Variants in COG6 observed in about 807,000 individuals in gnomAD.
COG6 encodes the protein conserved oligomeric Golgi complex subunit 6.
A neutral mutation model predicts 88.8 loss-of-function variants in COG6; 74 were observed. The observed-to-expected ratio is 0.83, with a 90% CI of 0.69 to 1.01. The LOEUF (loss-of-function observed/expected upper bound fraction) is 1.01. Among genes scored for constraint, COG6 ranks in the 50% least tolerant of loss-of-function variants. The pLI is 0.00. For synonymous variants in COG6, 286 were observed against 278.7 expected (o/e 1.03, Z -0.26); for missense variants, 800 against 797.9 (o/e 1.00, Z -0.03).
chr13:39,721,264 A>G (rs557075936), intron 15 of COG6, among the ~76,000 whole-genome samples: 43 of 152,198 alleles, frequency 2.8e-4, no homozygotes, highest in African/African-American at 1.0e-3. Flanking sequence ...TTCTTGGTCT[A>G]TGTGCTAAAT....
intron 2 of COG6, among the ~76,000 whole-genome samples, chr13:39,660,024 A>G (rs1385928115): frequency 6.6e-6 from 1 of 152,172 alleles, no homozygotes; most frequent in African/African-American, 2.4e-5. Context: ...ATTATGTAAT[A>G]TTTTATTAGC....
chr13:39,721,611 C>G (rs1296463872), intron 15 of COG6, among the ~76,000 whole-genome samples: 1 of 152,110 alleles, frequency 6.6e-6, no homozygotes, highest in African/African-American at 2.4e-5. Context: ...AGACTGGCCA[C>G]ATAGAACAGC....
At chr13:39,666,789 T>C (rs532425123) in intron 4 of COG6, among the ~76,000 whole-genome samples, 2 of 152,332 alleles carry the variant, frequency 1.3e-5, no homozygotes, top group Admixed American at 1.3e-4. Context: ...AACTTACTTT[T>C]CTGTCTTATA....
chr13:39,683,431 AAGAT>A (rs1175497403), intron 8 of COG6, among the ~76,000 whole-genome samples: 1 of 152,222 alleles, frequency 6.6e-6, no homozygotes, highest in African/African-American at 2.4e-5. Context: ...CAGTAATGCA[AAGAT>A]ATACATTGAG....
At chr13:39,735,126 C>T (rs1879665783) in intron 18 of COG6, among the ~76,000 whole-genome samples, 1 of 151,924 alleles carries the variant, frequency 6.6e-6, no homozygotes, top group Non-Finnish European at 1.5e-5. Flanking sequence ...TAAGGACTTA[C>T]TCTGCCATTT....
intron 13 of COG6, among the ~76,000 whole-genome samples, chr13:39,702,629 G>A (rs190646421): frequency 6.6e-6 from 1 of 151,938 alleles, no homozygotes; most frequent in Non-Finnish European, 1.5e-5. Context: ...CACACTAGTG[G>A]TTCTTCTATT....
intron 18 of COG6, among the ~76,000 whole-genome samples, chr13:39,781,425 G>A (rs914676589): frequency 2.2e-5 from 3 of 139,258 alleles, no homozygotes; most frequent in African/African-American, 7.6e-5. Flanking sequence ...GAAAAAAGTA[G>A]GAGCAAATGC....
At chr13:39,656,617 G>A (rs1371661420) in intron 1 of COG6, among the ~76,000 whole-genome samples, 1 of 151,950 alleles carries the variant, frequency 6.6e-6, no homozygotes, top group Non-Finnish European at 1.5e-5. Context: ...AAGAACATAT[G>A]TCAAAGTTAG....
intron 17 of COG6, among the ~76,000 whole-genome samples, chr13:39,725,640 T>C (rs1470204748): frequency 6.6e-6 from 1 of 151,508 alleles, no homozygotes. Context: ...ATAAGAAACA[T>C]TATGTCGTGA....
intron 13 of COG6, among the ~76,000 whole-genome samples, chr13:39,701,661 G>A (rs1367288685): frequency 2.6e-5 from 4 of 151,900 alleles, no homozygotes; most frequent in Admixed American, 6.6e-5. Flanking sequence ...CAAGTAGGAG[G>A]CTTGTTATCT....
intron 11 of COG6, among the ~76,000 whole-genome samples, chr13:39,690,678 T>C (rs17445389): frequency 0.063 from 9,570 of 152,032 alleles, 391 homozygotes; most frequent in Non-Finnish European, 0.094. Context: ...TTTTTGTTTT[T>C]TTGGTATATG....
chr13:39,663,625 G>A (rs139206294), intron 3 of COG6, among the ~76,000 whole-genome samples: 180 of 152,186 alleles, frequency 1.2e-3, no homozygotes, highest in Non-Finnish European at 1.6e-3. Context: ...ATGGCTGGGC[G>A]TGGTGGCTCA....
intron 18 of COG6, among the ~76,000 whole-genome samples, chr13:39,781,246 C>T (rs1027187257): frequency 7.2e-5 from 11 of 152,038 alleles, no homozygotes; most frequent in African/African-American, 1.2e-4. Flanking sequence ...AATACATGGG[C>T]GCTTATTAGA....
At chr13:39,773,871 CT>C (rs5803011) in intron 18 of COG6, among the ~76,000 whole-genome samples, 80 of 144,744 alleles carry the variant, frequency 5.5e-4, no homozygotes, top group Middle Eastern at 3.6e-3. Context: ...GACATTTTTG[CT>C]TTTTTTTTTT....
At chr13:39,730,294 A>G (rs1359815778) in intron 18 of COG6, among the ~76,000 whole-genome samples, 2 of 152,052 alleles carry the variant, frequency 1.3e-5, no homozygotes, top group African/African-American at 4.8e-5. Context: ...CTTAGTACCT[A>G]TTTACCTCTG....
At chr13:39,660,958 TATCTA>T in intron 3 of COG6, 77 bp downstream of exon 3, 1 of 856,968 alleles carries the variant, frequency 1.2e-6, no homozygotes, top group Non-Finnish European at 2.0e-6. Context: ...AATGTGTAGA[TATCTA>T]ATCCATAATG....
At position 39,703,925 on chromosome 13, in the gene COG6, G is replaced by A. The variant is rs115084679; in HGVS notation, c.1284+4307G>A. Among the ~76,000 whole-genome samples the A allele has an allele frequency of 3.9e-3, 580 of 150,522 alleles. 1 individual carries two copies. The highest frequency in any genetic ancestry group is 0.011 in the African/African-American group (445 of 40,972). ...TTTTTTTTTTTTTCTGTAGAGACAT[G>A]GTCTCACTATGTTGCCCAGGCTTGT... On this transcript the variant is annotated intron_variant, in intron 13 of 18. Transcript: ENST00000455146.
In COG6 at chr13:39,751,484, T is replaced by C. The variant is rs1354273130; in HGVS notation, c.*391T>C. On this transcript the variant is annotated 3_prime_UTR_variant, in exon 19 of 19. Coordinates refer to ENST00000455146, the MANE Select transcript of COG6 (RefSeq NM_020751.3). ...TAATTAGTATAAGGATATGACCTAA[T>C]AAATGTCTCCTTACCTAAAGATTCA... is the stretch of plus-strand genomic sequence containing the variant. 1 of 1,257,748 alleles carries C rather than the reference T, an allele frequency of 8.0e-7. No individual in the cohort carries two copies. The highest frequency in any genetic ancestry group is 1.0e-6 in the Non-Finnish European group (1 of 961,646). 77.9% of individuals were successfully genotyped at this position (1,257,748 alleles called of 1,614,324 possible).
chr13:39,753,589 A>G (rs542610141), downstream of COG6, among the ~76,000 whole-genome samples: 155 of 152,206 alleles, frequency 1.0e-3, no homozygotes, highest in African/African-American at 2.9e-3. Context: ...TCCTATTCTC[A>G]AACATCACAC....
Sources: allele counts gnomAD v4.1 joint callset (sites outside exome capture counted in the v4.1 genomes callset), GRCh38; gene constraint gnomAD v4.1.1; transcripts MANE v1.5; gene names NCBI Gene and HGNC (gene_info 2026-07-23, HGNC 2026-07-21).